Variants in COL11A1 observed in about 807,000 individuals in gnomAD.
COL11A1 encodes the protein collagen alpha-1(XI) chain.
In COL11A1, 74 loss-of-function variants were observed where a neutral mutation model predicts 265.2. The observed-to-expected ratio is 0.28, with a 90% confidence interval of 0.23 to 0.34. COL11A1 has a LOEUF of 0.34. Among genes scored for constraint, COL11A1 ranks in the 10% least tolerant of loss-of-function variants. The pLI is 1.00. For missense variants in COL11A1, 2,165 were observed against 2,263.6 expected (o/e 0.96, Z 0.88); for synonymous variants, 816 against 727.6 (o/e 1.12, Z -1.96).
At chr1:103,026,478 G>C (rs993749801) in intron 5 of COL11A1, 146 bp from the exon 6 acceptor site, 2 of 675,214 alleles carry the variant, frequency 3.0e-6, no homozygotes, top group African/African-American at 3.5e-5. Context: ...GTATTACATA[G>C]AAGTATTATA....
intron 4 of COL11A1, among the ~76,000 whole-genome samples, chr1:103,044,870 G>A (rs934798290): frequency 6.6e-6 from 1 of 151,994 alleles, no homozygotes. Flanking sequence ...AATAAATGCT[G>A]TAAAGAACAT....
chr1:102,887,258 G>A (rs1207465455), intron 62 of COL11A1, among the ~76,000 whole-genome samples: 3 of 151,996 alleles, frequency 2.0e-5, no homozygotes, highest in Non-Finnish European at 4.4e-5. Flanking sequence ...GAGATATTGA[G>A]GTAGGTGAAT....
rs531952600 is a variant in COL11A1, at chr1:103,087,178, C to A, written c.107-4206G>T. 2.0e-5 allele frequency among the ~76,000 whole-genome samples: 3 copies of A among 152,252 alleles called. No individual in the cohort carries two copies. The East Asian group carries it at 5.8e-4, about 29-fold the overall frequency. On this transcript the variant is annotated intron_variant, in intron 1 of 66. Transcript: ENST00000370096. ...AATATTTTAATTATCTCTATGTTGCCAACTGCTGGCACAAACCATGTGTAT... is the reference window on the plus strand; with the variant it reads ...AATATTTTAATTATCTCTATGTTGCAAACTGCTGGCACAAACCATGTGTAT...
intron 62 of COL11A1, 68 bp from the exon 63 acceptor site, chr1:102,887,124 C>A (rs1288518042): frequency 6.3e-7 from 1 of 1,593,990 alleles, no homozygotes; most frequent in African/African-American, 1.3e-5. Flanking sequence ...TTAATTATTA[C>A]TGGTTATGTT....
chr1:102,956,632 G>C (rs1471415937), intron 41 of COL11A1, among the ~76,000 whole-genome samples: 1 of 151,888 alleles, frequency 6.6e-6, no homozygotes, highest in Non-Finnish European at 1.5e-5. Context: ...TCTAACTGTA[G>C]GTTATGCTCC....
chr1:102,968,518 G>C (rs1661653096), intron 37 of COL11A1, among the ~76,000 whole-genome samples: 1 of 152,072 alleles, frequency 6.6e-6, no homozygotes, highest in Non-Finnish European at 1.5e-5. Flanking sequence ...ATTTCTGGCT[G>C]GAGACAAATC....
rs1460913421 is a variant in COL11A1, at chr1:103,002,476, G to C, written c.2049C>G (p.Pro683=). Residue 683 remains proline (P), a synonymous_variant, in exon 23 of 67, where the codon CCC becomes CCG. Transcript: ENST00000370096. ...GACCTGGAGGCCCAGGCTCCCCTTG[G>C]GGACCCTGCCAGAGGAAAATATAAA... ...GPPGPKGNMG[P]QGEPGPPGQQ... 6.2e-7 allele frequency: 1 copy of C among 1,609,236 alleles called. No homozygotes were observed. Among genetic ancestry groups the C allele is most frequent in the Non-Finnish European group, 8.5e-7 (1 of 1,177,882 alleles).
intron 4 of COL11A1, among the ~76,000 whole-genome samples, chr1:103,035,286 G>A (rs1036095887): frequency 6.6e-6 from 1 of 151,808 alleles, no homozygotes; most frequent in Admixed American, 6.6e-5. Flanking sequence ...GTTTTAAGCT[G>A]ATCCCCTTTT....
intron 4 of COL11A1, among the ~76,000 whole-genome samples, chr1:103,064,565 C>T (rs1670931556): frequency 6.6e-6 from 1 of 151,744 alleles, no homozygotes; most frequent in South Asian, 2.1e-4. Flanking sequence ...GTGGTGGGTG[C>T]CTGTAGTCCC....
intron 44 of COL11A1, among the ~76,000 whole-genome samples, chr1:102,937,318 A>T (rs1658249271): frequency 6.6e-6 from 1 of 152,146 alleles, no homozygotes; most frequent in Admixed American, 6.5e-5. Context: ...AGGAGTAAAT[A>T]AAACTTTTAA....
chr1:103,048,442 T>G (rs1669499088), intron 4 of COL11A1, among the ~76,000 whole-genome samples: 1 of 152,176 alleles, frequency 6.6e-6, no homozygotes, highest in South Asian at 2.1e-4. Context: ...GTGGGATCGG[T>G]GGTGATATCC....
intron 4 of COL11A1, among the ~76,000 whole-genome samples, chr1:103,054,812 A>C (rs1005706998): frequency 6.6e-6 from 1 of 152,136 alleles, no homozygotes; most frequent in African/African-American, 2.4e-5. Context: ...GAGGCAGGAG[A>C]ATCACTTGAA....
chr1:102,956,914 A>T lies in COL11A1; in HGVS notation c.3168+4952T>A, dbSNP rs573412640. 7.2e-5 allele frequency among the ~76,000 whole-genome samples: 11 copies of T among 151,898 alleles called. No homozygotes were observed. In the East Asian group the frequency reaches 9.7e-4, roughly 13 times the overall value. On this transcript the variant is annotated intron_variant, in intron 41 of 66. Coordinates refer to ENST00000370096, the MANE Select transcript of COL11A1 (RefSeq NM_001854.4). ...ACCAAGTCAGTTAATATTTAAAAAA[A>T]TTTTAAATATTCTATAAAAAGCATA...
intron 4 of COL11A1, among the ~76,000 whole-genome samples, chr1:103,067,192 C>T (rs764538407): frequency 6.6e-6 from 1 of 151,900 alleles, no homozygotes; most frequent in Non-Finnish European, 1.5e-5. Context: ...TCACAATGCA[C>T]TTTCTTTTTA....
At position 102,994,309 on chromosome 1, in the gene COL11A1, C is replaced by T. The variant is rs1354410916; in HGVS notation, c.2340+1555G>A. Among the ~76,000 whole-genome samples the T allele has an allele frequency of 5.3e-5, 8 of 152,148 alleles. 1 individual carries two copies. In the South Asian group the frequency reaches 6.2e-4, roughly 12 times the overall value. ...GACCTGGTGGGGGGTGATAGGATCA[C>T]GGGGGTGGATTTCCATTGAATGGTT... On this transcript the variant is annotated intron_variant, in intron 28 of 66. Coordinates refer to ENST00000370096, the MANE Select transcript of COL11A1 (RefSeq NM_001854.4).
At chr1:102,965,067 A>G (rs1661276138) in intron 38 of COL11A1, among the ~76,000 whole-genome samples, 1 of 152,174 alleles carries the variant, frequency 6.6e-6, no homozygotes, top group Admixed American at 6.5e-5. Context: ...TACAAATATT[A>G]AAATTTTAGA....
Position 103,017,853 on chromosome 1 carries a change from G to T in COL11A1, c.1380C>A (p.Gly460=). The T allele has an allele frequency of 6.2e-7, 1 of 1,613,088 alleles. No individual in the cohort carries two copies. The highest frequency in any genetic ancestry group is 8.5e-7 in the Non-Finnish European group (1 of 1,179,192). ...AGIMGPPGLQ[G]PTGPPGDPGD... is the part of the protein sequence containing the mutation. ...CAGGGTCACCAGGGGGTCCAGTGGG[G>T]CCTTGTAGACCTGGAGGACCCATAA... The change falls in exon 11 of 67, where the codon GGC becomes GGA. Residue 460 remains glycine (G), a synonymous_variant. Coordinates refer to ENST00000370096, the MANE Select transcript of COL11A1 (RefSeq NM_001854.4).
In COL11A1 at chr1:103,078,644, A is replaced by G. The variant is rs920388545; in HGVS notation, c.488+14T>C. ...TTTGGCATAGCTAAAACATTGTATT[A>G]TTTTGTTACTTACTTCCCGTCAGCG... On this transcript the variant is annotated intron_variant, in intron 3 of 66. Transcript: ENST00000370096. 6.2e-7 allele frequency: 1 copy of G among 1,608,568 alleles called. No homozygotes were observed. Among genetic ancestry groups the G allele is most frequent in the African/African-American group, 1.3e-5 (1 of 74,772 alleles).
At chr1:102,927,281 G>T (rs1656703142) in intron 46 of COL11A1, among the ~76,000 whole-genome samples, 1 of 151,986 alleles carries the variant, frequency 6.6e-6, no homozygotes, top group South Asian at 2.1e-4. Context: ...CCTCATGTGG[G>T]ACCTCAATAT....
Sources: allele counts gnomAD v4.1 joint callset (sites outside exome capture counted in the v4.1 genomes callset), GRCh38; gene constraint gnomAD v4.1.1; transcripts MANE v1.5; gene names NCBI Gene and HGNC (gene_info 2026-07-23, HGNC 2026-07-21).